Variants in SEMA3C observed in about 807,000 individuals in gnomAD.
SEMA3C encodes the protein semaphorin-3C.
In SEMA3C, 47 loss-of-function variants were observed where a neutral mutation model predicts 89.4. The observed-to-expected ratio is 0.53, with a 90% confidence interval of 0.42 to 0.67. SEMA3C has a LOEUF of 0.67. Among genes scored for constraint, SEMA3C ranks in the 30% least tolerant of loss-of-function variants. The pLI, the probability that SEMA3C is intolerant of heterozygous loss-of-function variation, is 0.00. For synonymous variants in SEMA3C, 310 were observed against 320.2 expected (o/e 0.97, Z 0.34); for missense variants, 839 against 929.1 (o/e 0.90, Z 1.26).
chr7:80,805,750 G>T lies in SEMA3C; in HGVS notation c.547C>A (p.Leu183Ile), dbSNP rs759005489. The change falls in exon 7 of 18, where the codon CTT (leucine) becomes ATT (isoleucine). Residue 183 changes from leucine to isoleucine, a missense_variant. By Grantham distance (5) the Leu-to-Ile change is conservative (BLOSUM62 2). Transcript: ENST00000265361. ...AAATCTATATACATTCCAGAGAAAA[G>T]CTCCTCATCTATGAAAAAGAAAATA... is the stretch of plus-strand genomic sequence containing the variant. ...NTVSVMINEELFSGMYIDFMG... is the reference protein window; with the variant it reads ...NTVSVMINEEIFSGMYIDFMG... 1 of 1,588,786 alleles carries T rather than the reference G, an allele frequency of 6.3e-7. No individual in the cohort carries two copies. The highest frequency in any genetic ancestry group is 1.8e-5 in the Admixed American group (1 of 55,448).
At position 80,805,677 on chromosome 7, in the gene SEMA3C, G is replaced by A. The variant is rs769829474; in HGVS notation, c.620C>T (p.Ala207Val). The change falls in exon 7 of 18, where the codon GCG (alanine) becomes GTG (valine). Residue 207 changes from alanine to valine, a missense_variant. Coordinates refer to ENST00000265361, the MANE Select transcript of SEMA3C (RefSeq NM_006379.5). ...AIFRSLTKRN[A>V]VRTDQHNSKW... is the part of the protein sequence containing the mutation. ...GGAATTATGTTGATCAGTTCTGACC[G>A]CATTCCTCTTGGTTAAACTTCGAAA... 3.6e-5 allele frequency: 58 copies of A among 1,610,650 alleles called. No individual in the cohort carries two copies. The highest frequency in any genetic ancestry group is 1.6e-4 in the Middle Eastern group (1 of 6,070).
rs761990267 is a variant in SEMA3C at position 80,815,554 on chromosome 7, C to CAAAAAAAAAAAAAAAAAAA, written c.447+2726_447+2744dup. On this transcript the variant is annotated intron_variant, in intron 5 of 17. Transcript: ENST00000265361. ...AAACCCAATCCTTTCTTTAAATGGG[C>CAAAAAAAAAAAAAAAAAAA]AAAAAAAAAAAAAAAAAAAGTAAAT... 3.4e-3 allele frequency among the ~76,000 whole-genome samples: 197 copies of CAAAAAAAAAAAAAAAAAAA among 58,780 alleles called. 16 individuals carry two copies. The highest frequency in any genetic ancestry group is 8.1e-3 in the East Asian group (11 of 1,354). 38.6% of individuals were successfully genotyped at this position (58,780 alleles called of 152,430 possible).
chr7:80,871,334 G>A (rs1314027635), intron 2 of SEMA3C, among the ~76,000 whole-genome samples: 1 of 152,168 alleles, frequency 6.6e-6, no homozygotes, highest in Non-Finnish European at 1.5e-5. Flanking sequence ...CTTGCCTAGA[G>A]ACCTTTAATT....
At chr7:80,910,379 G>A (rs1266957332) in intron 2 of SEMA3C, among the ~76,000 whole-genome samples, 1 of 152,126 alleles carries the variant, frequency 6.6e-6, no homozygotes, top group African/African-American at 2.4e-5. Flanking sequence ...TTTAAAACGT[G>A]GAACATACTT....
intron 6 of SEMA3C, among the ~76,000 whole-genome samples, chr7:80,809,518 T>C (rs1170576891): frequency 6.6e-6 from 1 of 152,212 alleles, no homozygotes; most frequent in Non-Finnish European, 1.5e-5. Flanking sequence ...CCAAAATAGC[T>C]GTACTAATTT....
Position 80,881,686 on chromosome 7 carries a change from T to TAGC in SEMA3C, c.103+34990_103+34992dup, listed in dbSNP as rs1339894986. On this transcript the variant is annotated intron_variant, in intron 2 of 17. Coordinates refer to ENST00000265361, the MANE Select transcript of SEMA3C (RefSeq NM_006379.5). The stretch of plus-strand genomic sequence containing the variant: ...TTAACTGTGCTTACAATTGGCTTCA[T>TAGC]AGCAGCAGCAGCAATGAGTTGAAGT... Among the ~76,000 whole-genome samples, 6 of 152,206 alleles carry TAGC rather than the reference T, an allele frequency of 3.9e-5. No individual in the cohort carries two copies. The South Asian group carries it at 6.2e-4, about 16-fold the overall frequency.
rs771040048 is a variant in SEMA3C at position 80,810,636 on chromosome 7, G to A, written c.513C>T (p.Asn171=). Reference sequence around the variant, plus strand: ...TGATCATAACAGACACCGTGTTCACGTTGGGGTTGAAAGAGCAGCGTCCTT... The same window carrying A: ...TGATCATAACAGACACCGTGTTCACATTGGGGTTGAAAGAGCAGCGTCCTT... ...SGKGRCSFNP[N]VNTVSVMINE... Residue 171 remains asparagine, a synonymous_variant, in exon 6 of 18, where the codon AAC becomes AAT. Transcript: ENST00000265361. 22 of 1,613,550 alleles carry A rather than the reference G, an allele frequency of 1.4e-5. No homozygotes were observed. In the Admixed American group the frequency reaches 1.5e-4, roughly 11 times the overall value.
intron 2 of SEMA3C, among the ~76,000 whole-genome samples, chr7:80,914,831 C>G (rs1792231829): frequency 6.6e-6 from 1 of 152,142 alleles, no homozygotes; most frequent in Non-Finnish European, 1.5e-5. Flanking sequence ...TATTTTAAAT[C>G]CCATCATTAC....
At chr7:80,913,388 G>T (rs752708224) in intron 2 of SEMA3C, among the ~76,000 whole-genome samples, 1 of 152,052 alleles carries the variant, frequency 6.6e-6, no homozygotes, top group Admixed American at 6.6e-5. Flanking sequence ...GAGGCAGAGC[G>T]AGACTCTGTC....
At chr7:80,745,998 G>GA (rs773197574) in intron 17 of SEMA3C, among the ~76,000 whole-genome samples, 2 of 152,000 alleles carry the variant, frequency 1.3e-5, no homozygotes, top group African/African-American at 4.8e-5. Flanking sequence ...GGTTTTACTG[G>GA]AAAAAATGAT....
chr7:80,816,830 G>C (rs971047444), intron 5 of SEMA3C, among the ~76,000 whole-genome samples: 3 of 152,162 alleles, frequency 2.0e-5, no homozygotes, highest in African/African-American at 7.2e-5. Context: ...TTCCATGCTG[G>C]TTTTCCAAAG....
At chr7:80,802,864 G>T in intron 8 of SEMA3C, 85 bp from the exon 9 acceptor site, 1 of 887,426 alleles carries the variant, frequency 1.1e-6, no homozygotes, top group Non-Finnish European at 1.8e-6. Flanking sequence ...CTAGTTGCTT[G>T]GAGGATGAAA....
At chr7:80,809,898 T>C (rs1163232793) in intron 6 of SEMA3C, among the ~76,000 whole-genome samples, 1 of 151,882 alleles carries the variant, frequency 6.6e-6, no homozygotes, top group Admixed American at 6.6e-5. Flanking sequence ...ATGTGGAATC[T>C]AAAAAAGTTG....
At chr7:80,796,128 A>G (rs560766678) in intron 11 of SEMA3C, among the ~76,000 whole-genome samples, 5 of 152,188 alleles carry the variant, frequency 3.3e-5, no homozygotes, top group Admixed American at 1.3e-4. Context: ...ATGCTGCTCA[A>G]AAGAATCACT....
rs1788112344 is a variant in SEMA3C, at chr7:80,758,386, G to C, written c.1588C>G (p.Pro530Ala). The change falls in exon 15 of 18, where the codon CCT (proline) becomes GCT (alanine). Residue 530 changes from proline (P) to alanine (A), a missense_variant. Pro to Ala is a conservative substitution (Grantham distance 27). Transcript: ENST00000265361. ...GAATGGCCATCCCAGGCGCAATAAG[G>C]GTCCCGCGCCAGGCAGCAGTCAGCA... Reference protein sequence around the residue: ...ACADCCLARDPYCAWDGHSCS... With the variant: ...ACADCCLARDAYCAWDGHSCS... The C allele has an allele frequency of 6.2e-7, 1 of 1,614,020 alleles. No individual in the cohort carries two copies. Among genetic ancestry groups the C allele is most frequent in the Non-Finnish European group, 8.5e-7 (1 of 1,179,994 alleles).
At chr7:80,785,039 TC>T (rs1788771072) in intron 12 of SEMA3C, among the ~76,000 whole-genome samples, 1 of 152,144 alleles carries the variant, frequency 6.6e-6, no homozygotes, top group African/African-American at 2.4e-5. Context: ...CTCCATTTTT[TC>T]CTTTTCTTTT....
At chr7:80,758,056 T>C (rs1180848200) in intron 15 of SEMA3C, among the ~76,000 whole-genome samples, 1 of 152,186 alleles carries the variant, frequency 6.6e-6, no homozygotes, top group East Asian at 1.9e-4. Context: ...AAATATTTGA[T>C]GAGTCCTAGG....
At chr7:80,755,070 G>C (rs1788035687) in intron 15 of SEMA3C, among the ~76,000 whole-genome samples, 1 of 151,028 alleles carries the variant, frequency 6.6e-6, no homozygotes, top group Non-Finnish European at 1.5e-5. Flanking sequence ...AAAGTGCTGG[G>C]ACTACAGGCA....
chr7:80,751,583 G>C (rs1583842216), intron 15 of SEMA3C, among the ~76,000 whole-genome samples: 1 of 152,026 alleles, frequency 6.6e-6, no homozygotes, highest in African/African-American at 2.4e-5. Context: ...TGATGAAATG[G>C]CTATGAATCG....
Sources: allele counts gnomAD v4.1 joint callset (sites outside exome capture counted in the v4.1 genomes callset), GRCh38; gene constraint gnomAD v4.1.1; transcripts MANE v1.5; gene names NCBI Gene and HGNC (gene_info 2026-07-23, HGNC 2026-07-21).